CCDC150: variants seen among roughly 807,000 people sequenced by gnomAD.
CCDC150 encodes coiled-coil domain-containing protein 150.
CCDC150 carries 151 observed loss-of-function variants against 156.5 expected under a neutral mutation model. The observed-to-expected ratio is 0.97, with a 90% CI of 0.85 to 1.10. The LOEUF is 1.10. Among genes scored for constraint, CCDC150 ranks in the 50% least tolerant of loss-of-function variants. CCDC150 has a pLI of 0.00. For missense variants in CCDC150, 1,312 were observed against 1,268.1 expected (o/e 1.03, Z -0.53); for synonymous variants, 452 against 429.4 (o/e 1.05, Z -0.65).
At chr2:196,681,210 A>G (rs1423014365) in intron 13 of CCDC150, among the ~76,000 whole-genome samples, 1 of 152,102 alleles carries the variant, frequency 6.6e-6, no homozygotes, top group African/African-American at 2.4e-5. Context: ...ATCATACAAT[A>G]TTTGATTTTT....
In CCDC150 at chr2:196,647,671, G is replaced by A. The variant is rs150387027; in HGVS notation, c.176+1167G>A. Among the ~76,000 whole-genome samples, 154 of 152,008 alleles carry A rather than the reference G, an allele frequency of 1.0e-3. No individual in the cohort carries two copies. In the East Asian group the frequency reaches 0.019, roughly 19 times the overall value. On this transcript the variant is annotated intron_variant, in intron 2 of 27. Coordinates refer to ENST00000389175, the MANE Select transcript of CCDC150 (RefSeq NM_001080539.2). ...TATATATTTATGGGGTAAATGTGAC[G>A]CTATGATGCATGCATACATTGTAGA... is the stretch of plus-strand genomic sequence containing the variant.
At chr2:196,691,479 T>A (rs1695469108) in intron 13 of CCDC150, among the ~76,000 whole-genome samples, 1 of 152,210 alleles carries the variant, frequency 6.6e-6, no homozygotes, top group Admixed American at 6.5e-5. Context: ...TCTTCTATAT[T>A]TTCTAGTTTA....
chr2:196,672,374 T>C lies in CCDC150; in HGVS notation c.966T>C (p.His322=), dbSNP rs1694257587. ...TGCAGATATCTTTCAACAAGGAACA[T>C]GAAGAAAATGCATATTTGAGGTCCG... ...KNLQISFNKE[H]EENAYLRSEI... The change falls in exon 9 of 28, where the codon CAT becomes CAC. Residue 322 remains histidine, a synonymous_variant. Transcript: ENST00000389175. 2 of 1,544,422 alleles carry C rather than the reference T, an allele frequency of 1.3e-6. No homozygotes were observed. Among genetic ancestry groups the C allele is most frequent in the Non-Finnish European group, 1.7e-6 (2 of 1,148,266 alleles).
At chr2:196,640,907 C>T (rs928268642) in intron 1 of CCDC150, among the ~76,000 whole-genome samples, 2 of 152,200 alleles carry the variant, frequency 1.3e-5, no homozygotes, top group Non-Finnish European at 2.9e-5. Flanking sequence ...CCTCCAGTGA[C>T]TCTGAGAATC....
chr2:196,640,579 C>CT (rs922706986), intron 1 of CCDC150, among the ~76,000 whole-genome samples: 3 of 152,228 alleles, frequency 2.0e-5, no homozygotes, highest in African/African-American at 7.2e-5. Context: ...AAAAACTACT[C>CT]TTTATCTTTT....
At chr2:196,706,539 A>C (rs1332118542) in intron 15 of CCDC150, among the ~76,000 whole-genome samples, 3 of 152,164 alleles carry the variant, frequency 2.0e-5, no homozygotes, top group Admixed American at 6.5e-5. Context: ...GCTAGAACTT[A>C]CAATACTATG....
In CCDC150 at chr2:196,646,024, G is replaced by T. The variant is rs1205098587; in HGVS notation, c.13-317G>T. Among the ~76,000 whole-genome samples, 29 of 152,282 alleles carry T rather than the reference G, an allele frequency of 1.9e-4. 1 individual carries two copies. The South Asian group carries it at 2.1e-3, about 11-fold the overall frequency. ...TGGCTTACAACAACATAGGTTTATT[G>T]TATGTCATGACATCCACACTGTATA... is the stretch of plus-strand genomic sequence containing the variant. On this transcript the variant is annotated intron_variant, in intron 1 of 27. Transcript: ENST00000389175.
chr2:196,702,172 C>CT (rs1696255662), intron 15 of CCDC150, among the ~76,000 whole-genome samples: 1 of 152,076 alleles, frequency 6.6e-6, no homozygotes, highest in African/African-American at 2.4e-5. Context: ...TCACTTGAGT[C>CT]CAGGAGTTGG....
intron 15 of CCDC150, among the ~76,000 whole-genome samples, chr2:196,710,579 G>A (rs1282391533): frequency 6.6e-6 from 1 of 152,218 alleles, no homozygotes; most frequent in Non-Finnish European, 1.5e-5. Flanking sequence ...CCCGTCTTCT[G>A]TGTCGGGCAC....
chr2:196,679,296 C>T (rs1694681635), intron 13 of CCDC150, among the ~76,000 whole-genome samples: 1 of 152,010 alleles, frequency 6.6e-6, no homozygotes, highest in South Asian at 2.1e-4. Context: ...GAGGAAGTTC[C>T]CTTGTGCCCT....
At chr2:196,718,673 A>C in intron 18 of CCDC150, 42 bp downstream of exon 18, 3 of 1,603,930 alleles carry the variant, frequency 1.9e-6, no homozygotes, top group Non-Finnish European at 1.7e-6. Flanking sequence ...ACTGAGAAGA[A>C]GCACTTATGA....
At position 196,666,772 on chromosome 2, in the gene CCDC150, T is replaced by G; in HGVS notation, c.816T>G (p.Ala272=). The stretch of plus-strand genomic sequence containing the variant: ...CTCTACGTGATTCTATACAGAGCGC[T>G]CAAGAACTACTGGCCCAGGAACAAA... The part of the protein sequence containing the change: ...CIALRDSIQS[A]QELLAQEQKK... Residue 272 remains alanine, a synonymous_variant, in exon 7 of 28, where the codon GCT becomes GCG. Coordinates refer to ENST00000389175, the MANE Select transcript of CCDC150 (RefSeq NM_001080539.2). 1 of 1,613,154 alleles carries G rather than the reference T, an allele frequency of 6.2e-7. No individual in the cohort carries two copies. The highest frequency in any genetic ancestry group is 1.1e-5 in the South Asian group (1 of 91,012).
At chr2:196,702,135 C>T (rs189613188) in intron 15 of CCDC150, among the ~76,000 whole-genome samples, 2 of 152,142 alleles carry the variant, frequency 1.3e-5, no homozygotes, top group East Asian at 3.9e-4. Context: ...ACTTGGGAGG[C>T]TCAGGTGGGA....
At chr2:196,641,237 A>G (rs1385559529) in intron 1 of CCDC150, among the ~76,000 whole-genome samples, 1 of 152,020 alleles carries the variant, frequency 6.6e-6, no homozygotes, top group Non-Finnish European at 1.5e-5. Flanking sequence ...TCGGCCTTCC[A>G]AAGTGCTGGG....
At chr2:196,695,562 G>C (rs765886228) in intron 14 of CCDC150, among the ~76,000 whole-genome samples, 3 of 152,108 alleles carry the variant, frequency 2.0e-5, no homozygotes, top group Non-Finnish European at 2.9e-5. Context: ...ACCTTCTCCA[G>C]GTGGGGCGCG....
chr2:196,673,949 T>A (rs1319268845), intron 9 of CCDC150, among the ~76,000 whole-genome samples: 2 of 152,212 alleles, frequency 1.3e-5, no homozygotes, highest in Non-Finnish European at 2.9e-5. Flanking sequence ...GCAGATGTCT[T>A]GCTCTAATGA....
At chr2:196,678,955 A>G (rs1171312664) in intron 13 of CCDC150, among the ~76,000 whole-genome samples, 1 of 152,194 alleles carries the variant, frequency 6.6e-6, no homozygotes, top group African/African-American at 2.4e-5. Flanking sequence ...TATGTTTGAG[A>G]TAAAAACATA....
At position 196,669,949 on chromosome 2, in the gene CCDC150, T is replaced by A. The variant is rs369589171; in HGVS notation, c.936+73T>A. 700 of 1,090,622 alleles carry A rather than the reference T, an allele frequency of 6.4e-4. 1 individual carries two copies. Among genetic ancestry groups the A allele is most frequent in the Non-Finnish European group, 8.6e-4 (634 of 739,110 alleles). 67.6% of individuals were successfully genotyped at this position (1,090,622 alleles called of 1,614,324 possible). On this transcript the variant is annotated intron_variant, in intron 8 of 27. Coordinates refer to ENST00000389175, the MANE Select transcript of CCDC150 (RefSeq NM_001080539.2). Reference sequence around the variant, plus strand: ...CTAAGTCCTATTTCCTCTTCCATGTTGGCTTACAGTGCTTCTTACTCTCAT... The same window carrying A: ...CTAAGTCCTATTTCCTCTTCCATGTAGGCTTACAGTGCTTCTTACTCTCAT...
Position 196,651,835 on chromosome 2 carries a change from T to C in CCDC150, c.177-4798T>C, listed in dbSNP as rs114320100. Among the ~76,000 whole-genome samples the C allele has an allele frequency of 2.3e-3, 345 of 152,336 alleles. 3 individuals carry two copies. Among genetic ancestry groups the C allele is most frequent in the African/African-American group, 8.0e-3 (333 of 41,584 alleles). ...ATATTTGGTTCATAGTTCTGCAGGC[T>C]GTAAAAACATGGTGCCAGCAACTAC... is the stretch of plus-strand genomic sequence containing the variant. On this transcript the variant is annotated intron_variant, in intron 2 of 27. Transcript: ENST00000389175.
Sources: gnomAD v4.1 joint callset for allele counts (sites outside exome capture counted in the v4.1 genomes callset) on GRCh38, gnomAD v4.1.1 for gene constraint, MANE v1.5 for transcripts, NCBI Gene and HGNC (gene_info 2026-07-23, HGNC 2026-07-21) for gene names.